Variants in PRDM11 observed in about 807,000 individuals in gnomAD.
The protein encoded by PRDM11 is PR domain-containing protein 11.
Under a neutral mutation model 97.8 loss-of-function variants are expected in PRDM11, and 20 were observed. That is an observed-to-expected ratio of 0.20 (90% CI 0.14 to 0.30). The LOEUF (loss-of-function observed/expected upper bound fraction) is 0.30. Ranked by LOEUF, PRDM11 falls within the 10% of genes least tolerant of loss-of-function variation. PRDM11 has a pLI of 1.00. For missense variants in PRDM11, 1,139 were observed against 1,555.2 expected (o/e 0.73, Z 4.50); for synonymous variants, 599 against 637.7 (o/e 0.94, Z 0.91).
intron 5 of PRDM11, among the ~76,000 whole-genome samples, chr11:45,209,733 G>A (rs182034775): frequency 1.1e-4 from 16 of 152,264 alleles, no homozygotes; most frequent in African/African-American, 3.1e-4. Context: ...CTCTGCTGTC[G>A]CCATCTGGAC....
intron 4 of PRDM11, among the ~76,000 whole-genome samples, chr11:45,197,654 T>G (rs1853173147): frequency 6.6e-6 from 1 of 152,130 alleles, no homozygotes; most frequent in South Asian, 2.1e-4. Context: ...TGTATGCCAG[T>G]CATACCTCAA....
At chr11:45,188,079 G>T (rs943765939) in intron 4 of PRDM11, among the ~76,000 whole-genome samples, 17 of 152,172 alleles carry the variant, frequency 1.1e-4, no homozygotes, top group South Asian at 1.0e-3. Context: ...CTGCCTGCCT[G>T]CAAAAGCTCT....
intron 1 of PRDM11, among the ~76,000 whole-genome samples, chr11:45,164,775 A>G (rs1418642802): frequency 6.6e-6 from 1 of 151,796 alleles, no homozygotes; most frequent in African/African-American, 2.4e-5. Context: ...TGGCAGAGAG[A>G]CCCCTGAGAT....
chr11:45,215,172 T>C (rs1853920785), intron 5 of PRDM11, among the ~76,000 whole-genome samples: 1 of 152,194 alleles, frequency 6.6e-6, no homozygotes, highest in African/African-American at 2.4e-5. Context: ...CAGGTGTCTG[T>C]GTGTCTGGCA....
chr11:45,115,748 G>T (rs1456710769), intron 1 of PRDM11, among the ~76,000 whole-genome samples: 1 of 151,872 alleles, frequency 6.6e-6, no homozygotes, highest in African/African-American at 2.4e-5. Flanking sequence ...TGGCCAACAT[G>T]GTGAAACCCT....
At chr11:45,111,303 T>C (rs1219880719) in intron 1 of PRDM11, among the ~76,000 whole-genome samples, 2 of 62,474 alleles carry the variant, frequency 3.2e-5, no homozygotes, top group African/African-American at 6.5e-5. Flanking sequence ...CTCGTCTTCT[T>C]TGCCATCTCT....
intron 1 of PRDM11, among the ~76,000 whole-genome samples, chr11:45,159,701 G>A (rs1374850987): frequency 6.6e-6 from 1 of 152,180 alleles, no homozygotes; most frequent in Admixed American, 6.5e-5. Flanking sequence ...CGGGGCTTAT[G>A]GGCCTGCCTG....
chr11:45,212,982 C>T (rs1296046573), intron 5 of PRDM11: 1 of 393,816 alleles, frequency 2.5e-6, no homozygotes, highest in South Asian at 1.9e-5. Flanking sequence ...CCCCCACCAG[C>T]TTCCCCAGCA....
intron 1 of PRDM11, among the ~76,000 whole-genome samples, chr11:45,104,016 G>A (rs182550796): frequency 2.3e-3 from 352 of 152,240 alleles, no homozygotes; most frequent in Non-Finnish European, 4.0e-3. Flanking sequence ...TATAGCTGAG[G>A]GATTGAGGCT....
Position 45,135,933 on chromosome 11 carries a change from G to A in PRDM11, c.96+40032G>A, listed in dbSNP as rs1852832492. Among the ~76,000 whole-genome samples, 4 of 152,206 alleles carry A rather than the reference G, an allele frequency of 2.6e-5. No homozygotes were observed. The East Asian group carries it at 7.7e-4, about 29-fold the overall frequency. ...AAGGGAAGTATGAGAAACTGTCCCAGCCAAGAGGGGCCTAAGAAAACAGGA... is the reference window on the plus strand; with the variant it reads ...AAGGGAAGTATGAGAAACTGTCCCAACCAAGAGGGGCCTAAGAAAACAGGA... On this transcript the variant is annotated intron_variant, in intron 1 of 6. Coordinates refer to the PRDM11 transcript ENST00000530656.
intron 4 of PRDM11, among the ~76,000 whole-genome samples, chr11:45,185,859 G>T (rs1419049634): frequency 6.6e-6 from 1 of 152,088 alleles, no homozygotes; most frequent in Non-Finnish European, 1.5e-5. Flanking sequence ...TGAGATGGGA[G>T]CGATGATCTT....
intron 1 of PRDM11, among the ~76,000 whole-genome samples, chr11:45,154,090 C>T (rs1033967360): frequency 3.9e-5 from 6 of 152,230 alleles, no homozygotes; most frequent in East Asian, 3.8e-4. Context: ...CACAGTGGCT[C>T]ATGCCTATAA....
In PRDM11 at chr11:45,219,754, A is replaced by G; in HGVS notation, c.739A>G (p.Arg247Gly). Reference protein sequence around the residue: ...SQETIHRNLARGEKRLQREKS... With the variant: ...SQETIHRNLAGGEKRLQREKS... ...GGAAACCATTCACCGCAACCTGGCC[A>G]GAGGTGAGTGCCATGCTCCACATGA... The change falls in exon 6 of 8, where the codon AGA (arginine) becomes GGA (glycine). Residue 247 changes from arginine (R) to glycine (G), a missense_variant. Arg to Gly is a moderately radical substitution (Grantham distance 125, BLOSUM62 -2). Coordinates refer to ENST00000683152, the MANE Select transcript of PRDM11 (RefSeq NM_001384648.1). This position sits in a 1 kb window ranked among gnomAD's most constrained non-coding sequence, Gnocchi z 4.2. 1 of 1,613,138 alleles carries G rather than the reference A, an allele frequency of 6.2e-7. No individual in the cohort carries two copies. Among genetic ancestry groups the G allele is most frequent in the Non-Finnish European group, 8.5e-7 (1 of 1,179,644 alleles).
chr11:45,205,730 C>A (rs1853486165), intron 5 of PRDM11, among the ~76,000 whole-genome samples: 1 of 152,156 alleles, frequency 6.6e-6, no homozygotes, highest in South Asian at 2.1e-4. Context: ...CGGAGACTTT[C>A]TAAGCAAATG....
intron 1 of PRDM11, among the ~76,000 whole-genome samples, chr11:45,138,805 C>T (rs1852932359): frequency 1.3e-5 from 2 of 152,074 alleles, no homozygotes; most frequent in South Asian, 4.1e-4. Flanking sequence ...CTGAAGAAGG[C>T]CTTTCTAACT....
At chr11:45,094,622 G>C (rs1312773490), upstream of PRDM11, among the ~76,000 whole-genome samples, 5 of 146,146 alleles carry the variant, frequency 3.4e-5, no homozygotes, top group African/African-American at 1.3e-4. Flanking sequence ...GGACTGAAGG[G>C]AGGAAGTAGA....
intron 6 of PRDM11, among the ~76,000 whole-genome samples, chr11:45,223,527 G>A (rs550329875): frequency 4.6e-5 from 7 of 152,182 alleles, no homozygotes; most frequent in African/African-American, 9.6e-5. Context: ...TTATCTTGTC[G>A]GAGGCTGCCA....
chr11:45,203,253 T>TA (rs746896350), intron 4 of PRDM11, among the ~76,000 whole-genome samples: 3 of 152,250 alleles, frequency 2.0e-5, no homozygotes, highest in Non-Finnish European at 4.4e-5. Context: ...TGTCAAAACT[T>TA]ATCAAGTTGT....
chr11:45,219,717 C>T lies in PRDM11; in HGVS notation c.702C>T (p.His234=), dbSNP rs1475740782. The T allele has an allele frequency of 1.2e-6, 2 of 1,613,996 alleles. No homozygotes were observed. The highest frequency in any genetic ancestry group is 1.7e-6 in the Non-Finnish European group (2 of 1,180,002). The part of the protein sequence containing the change: ...WYSEDYMKRL[H]SMSQETIHRN... ...GCGAGGACTACATGAAGCGCCTGCACAGCATGTCCCAGGAAACCATTCACC... is the reference window on the plus strand; with the variant it reads ...GCGAGGACTACATGAAGCGCCTGCATAGCATGTCCCAGGAAACCATTCACC... The change falls in exon 6 of 8, where the codon CAC becomes CAT. Residue 234 remains histidine (H), a synonymous_variant. Coordinates refer to ENST00000683152, the MANE Select transcript of PRDM11 (RefSeq NM_001384648.1). The surrounding 1 kb of genome is among the most constrained non-coding windows in gnomAD (Gnocchi z 4.2).
Sources: gnomAD v4.1 joint callset for allele counts (sites outside exome capture counted in the v4.1 genomes callset) on GRCh38, gnomAD v4.1.1 for gene constraint, Gnocchi (gnomAD v3.1) non-coding constraint, MANE v1.5 for transcripts, NCBI Gene and HGNC (gene_info 2026-07-23, HGNC 2026-07-21) for gene names.